FAM53A: variants seen among roughly 807,000 people sequenced by gnomAD.
FAM53A encodes protein FAM53A.
Under a neutral mutation model 26.6 loss-of-function variants are expected in FAM53A, and 28 were observed. That is an observed-to-expected ratio of 1.05 (90% confidence interval 0.78 to 1.45). FAM53A has a LOEUF of 1.45. Ranked by LOEUF, FAM53A falls within the 40% of genes most tolerant of loss-of-function variation. The probability of loss-of-function intolerance (pLI) is 0.00; values close to 1 mark genes in which losing one functional copy is unlikely to be tolerated. For missense variants in FAM53A, 650 were observed against 575.8 expected, an observed-to-expected ratio of 1.13 and a Z score of -1.32; for synonymous variants, 290 against 253.1, an observed-to-expected ratio of 1.15 and a Z score of -1.38.
the FAM53A span, among the ~76,000 whole-genome samples, chr4:1,607,142 C>G: frequency 6.6e-6 from 1 of 152,308 alleles, no homozygotes; most frequent in Non-Finnish European, 1.5e-5. Context: ...CCTCAGCCTC[C>G]CAAGTAGCTG....
chr4:1,575,644 T>C, the FAM53A span, among the ~76,000 whole-genome samples: 1 of 151,990 alleles, frequency 6.6e-6, no homozygotes, highest in African/African-American at 2.4e-5. Context: ...GGGGTCTCCA[T>C]GATACTGAGT....
At chr4:1,682,575 T>C (rs959701574) in intron 1 of FAM53A, among the ~76,000 whole-genome samples, 12 of 152,198 alleles carry the variant, frequency 7.9e-5, no homozygotes, top group South Asian at 2.1e-4. Flanking sequence ...TTTCCTTTTT[T>C]AGAAAAACAT....
chr4:1,607,896 C>T, the FAM53A span, among the ~76,000 whole-genome samples: 7 of 149,378 alleles, frequency 4.7e-5, no homozygotes, highest in Admixed American at 3.3e-4. Flanking sequence ...GCCGAGATCA[C>T]GCCACTGCAC....
the FAM53A span, among the ~76,000 whole-genome samples, chr4:1,609,917 C>A: frequency 4.6e-5 from 7 of 152,066 alleles, no homozygotes; most frequent in Admixed American, 4.6e-4. Context: ...GAGCCGAGAT[C>A]GCGCCACTGC....
At chr4:1,629,278 G>C (rs1715503324) in intron 1 of FAM53A, among the ~76,000 whole-genome samples, 1 of 152,278 alleles carries the variant, frequency 6.6e-6, no homozygotes, top group Admixed American at 6.5e-5. Flanking sequence ...GGCCGAGGCT[G>C]TGGCCACCAC....
At chr4:1,632,022 G>GT (rs1715630070) in intron 1 of FAM53A, among the ~76,000 whole-genome samples, 1 of 152,044 alleles carries the variant, frequency 6.6e-6, no homozygotes, top group Non-Finnish European at 1.5e-5. Context: ...AAATTATAGG[G>GT]GTGTGGTGGC....
At chr4:1,575,274 T>C in the FAM53A span, among the ~76,000 whole-genome samples, 1 of 152,092 alleles carries the variant, frequency 6.6e-6, no homozygotes, top group African/African-American at 2.4e-5. Flanking sequence ...TGGACTCAGG[T>C]CCAGGGCTCC....
At chr4:1,581,590 C>CT in the FAM53A span, among the ~76,000 whole-genome samples, 3 of 152,056 alleles carry the variant, frequency 2.0e-5, no homozygotes, top group African/African-American at 7.2e-5. Context: ...GGCCAAATAT[C>CT]TTTTTTTGTT....
At chr4:1,648,534 G>C (rs1314371005) in intron 4 of FAM53A, among the ~76,000 whole-genome samples, 1 of 152,156 alleles carries the variant, frequency 6.6e-6, no homozygotes, top group Non-Finnish European at 1.5e-5. Flanking sequence ...TGAAGACACT[G>C]CCTGTCTCCT....
At chr4:1,650,870 A>G (rs1712716528) in intron 4 of FAM53A, among the ~76,000 whole-genome samples, 1 of 151,504 alleles carries the variant, frequency 6.6e-6, no homozygotes, top group South Asian at 2.1e-4. Context: ...CAAGAAGAGG[A>G]CTAGGACAGT....
chr4:1,614,415 G>GCAT, downstream of FAM53A, among the ~76,000 whole-genome samples: 1 of 137,558 alleles, frequency 7.3e-6, no homozygotes, highest in African/African-American at 3.0e-5. Context: ...GACGTGAGGG[G>GCAT]GATGCAGAGA....
upstream of FAM53A, among the ~76,000 whole-genome samples, chr4:1,685,120 G>A (rs544683081): frequency 4.3e-4 from 65 of 152,324 alleles, no homozygotes; most frequent in African/African-American, 1.4e-3. Flanking sequence ...CTGACCCAGG[G>A]CGGGCCTCTG....
At chr4:1,670,906 C>T (rs971137321) in intron 1 of FAM53A, among the ~76,000 whole-genome samples, 1 of 151,664 alleles carries the variant, frequency 6.6e-6, no homozygotes, top group Non-Finnish European at 1.5e-5. Context: ...GTCAGAGCCC[C>T]CAGCTCACAG....
the FAM53A span, among the ~76,000 whole-genome samples, chr4:1,609,080 A>C: frequency 1.3e-5 from 2 of 152,048 alleles, no homozygotes; most frequent in Non-Finnish European, 2.9e-5. Flanking sequence ...TGCAGACCCC[A>C]AGCCCTGGCT....
chr4:1,637,630 CCGG>C (rs1427013043), downstream of FAM53A, among the ~76,000 whole-genome samples: 7 of 144,642 alleles, frequency 4.8e-5, no homozygotes, highest in Non-Finnish European at 1.1e-4. Context: ...TGGGGGCAGC[CCGG>C]CAGGGGTGGG....
At chr4:1,632,782 A>G (rs902075393) in intron 1 of FAM53A, among the ~76,000 whole-genome samples, 1 of 152,184 alleles carries the variant, frequency 6.6e-6, no homozygotes, top group Non-Finnish European at 1.5e-5. Context: ...TGCATATTAT[A>G]CAGTTGTACA....
chr4:1,659,559 G>A lies in FAM53A; in HGVS notation c.76-2091C>T, dbSNP rs973428049. ...ACCTCTATGCAAAGACACGCCGGGG[G>A]CAGCAGCTACTCCCAGTGGCACTGG... On this transcript the variant is annotated intron_variant, in intron 2 of 4. Transcript: ENST00000308132. The surrounding 1 kb of genome is among the most constrained non-coding windows in gnomAD (Gnocchi z 5.2). Among the ~76,000 whole-genome samples, 1 of 152,232 alleles carries A rather than the reference G, an allele frequency of 6.6e-6. No homozygotes were observed. The highest frequency in any genetic ancestry group is 1.5e-5 in the Non-Finnish European group (1 of 68,036).
At chr4:1,642,666 C>G (rs1404915733) in intron 4 of FAM53A, among the ~76,000 whole-genome samples, 1 of 151,820 alleles carries the variant, frequency 6.6e-6, no homozygotes, top group Non-Finnish European at 1.5e-5. Flanking sequence ...CTCCCGGGCC[C>G]CCACCCCCCG....
At chr4:1,587,339 C>G in the FAM53A span, among the ~76,000 whole-genome samples, 2 of 152,144 alleles carry the variant, frequency 1.3e-5, no homozygotes, top group Admixed American at 6.5e-5. Flanking sequence ...AAGCTTTTCC[C>G]AAACCTGTTG....
Sources: gnomAD v4.1 joint callset for allele counts (sites outside exome capture counted in the v4.1 genomes callset) on GRCh38, gnomAD v4.1.1 for gene constraint, Gnocchi (gnomAD v3.1) non-coding constraint, MANE v1.5 for transcripts, NCBI Gene and HGNC (gene_info 2026-07-23, HGNC 2026-07-21) for gene names.